EGFLAM: variants seen among roughly 807,000 people sequenced by gnomAD.
EGFLAM encodes pikachurin.
In EGFLAM, 79 loss-of-function variants were observed where a neutral mutation model predicts 113.1. The ratio of observed to expected loss-of-function variants is 0.70; its 90% CI spans 0.58 to 0.84. The LOEUF (loss-of-function observed/expected upper bound fraction) is 0.84. Among genes scored for constraint, EGFLAM ranks in the 40% least tolerant of loss-of-function variants. EGFLAM has a pLI of 0.00. For synonymous variants in EGFLAM, 504 were observed against 487.6 expected, an observed-to-expected ratio of 1.03 and a Z score of -0.44; for missense variants, 1,265 against 1,291.6, an observed-to-expected ratio of 0.98 and a Z score of 0.32.
chr5:38,393,443 C>T (rs1216888158), intron 6 of EGFLAM, among the ~76,000 whole-genome samples: 2 of 151,764 alleles, frequency 1.3e-5, no homozygotes, highest in Admixed American at 1.3e-4. Context: ...TCGTTTTACT[C>T]AGCCCATCAC....
At chr5:38,259,579 T>G (rs1372871834) in intron 1 of EGFLAM, among the ~76,000 whole-genome samples, 2 of 152,260 alleles carry the variant, frequency 1.3e-5, no homozygotes, top group African/African-American at 4.8e-5. Context: ...TGGCCTATGC[T>G]GTGAGATTAT....
Position 38,391,384 on chromosome 5 carries a change from T to TTGTG in EGFLAM, c.713-14711_713-14708dup, listed in dbSNP as rs758900897. Among the ~76,000 whole-genome samples, 823 of 98,006 alleles carry TTGTG rather than the reference T, an allele frequency of 8.4e-3. 5 individuals are homozygous for TTGTG. Among genetic ancestry groups the TTGTG allele is most frequent in the East Asian group, 0.012 (43 of 3,718 alleles). 64.3% of individuals were successfully genotyped at this position (98,006 alleles called of 152,430 possible). A position where few individuals can be genotyped will look rare whatever the true frequency, so the allele number is the denominator to read the frequency against. On this transcript the variant is annotated intron_variant, in intron 6 of 21. Coordinates refer to ENST00000322350, the MANE Select transcript of EGFLAM (RefSeq NM_152403.4). ...TGTTTTAATTTCTTTTTTCTTTTCTTTGTGTGTGTGTGTGTGTGTGTGTGT... is the reference window on the plus strand; with the variant it reads ...TGTTTTAATTTCTTTTTTCTTTTCTTTGTGTGTGTGTGTGTGTGTGTGTGTGTGT...
At chr5:38,399,277 G>A (rs1255838667) in intron 6 of EGFLAM, among the ~76,000 whole-genome samples, 5 of 118,482 alleles carry the variant, frequency 4.2e-5, no homozygotes, top group African/African-American at 6.3e-5. Flanking sequence ...TTTTGTTTTC[G>A]TTTTTTTTTT....
rs1055816725 is a variant in EGFLAM, at chr5:38,447,136, C to T, written c.2465-1165C>T. ...TTCTCCAGCAGAAATCCCCTAGCCT[C>T]ATCCCCCGTTCATGACATCACACAC... On this transcript the variant is annotated intron_variant, in intron 17 of 21. Transcript: ENST00000322350. Among the ~76,000 whole-genome samples the T allele has an allele frequency of 3.3e-5, 5 of 152,348 alleles. No homozygotes were observed. In the South Asian group the frequency reaches 1.0e-3, roughly 32 times the overall value.
Position 38,438,415 on chromosome 5 carries a change from T to C in EGFLAM, c.2424T>C (p.Cys808=). The change falls in exon 17 of 22, where the codon TGT becomes TGC. Residue 808 remains cysteine (C), a synonymous_variant. Transcript: ENST00000322350. ...GGCCCAGGAAGGAGGGCTATGACTG[T>C]GACTGCCCCTTGGGCTTTGAGGGGC... is the stretch of plus-strand genomic sequence containing the variant. The part of the protein sequence containing the change: ...SCRPRKEGYD[C]DCPLGFEGLH... 1 of 1,613,468 alleles carries C rather than the reference T, an allele frequency of 6.2e-7. No individual in the cohort carries two copies.
chr5:38,411,201 G>C (rs1266450652), intron 10 of EGFLAM, among the ~76,000 whole-genome samples: 1 of 152,144 alleles, frequency 6.6e-6, no homozygotes, highest in Non-Finnish European at 1.5e-5. Context: ...AGGCCAAGGT[G>C]GGCGGATCAC....
At position 38,350,580 on chromosome 5, in the gene EGFLAM, G is replaced by A. The variant is rs144167055; in HGVS notation, c.371G>A (p.Arg124Gln). ...IAAYSQAGKG[R>Q]LSSPRHVTTL... is the part of the protein sequence containing the mutation. ...GCTTACAGCCAGGCTGGCAAAGGGC[G>A]GCTGAGCTCTCCTCGGCATGTCACC... The change falls in exon 4 of 22, where the codon CGG becomes CAG. Residue 124 changes from arginine to glutamine, a missense_variant. Arg to Gln is a conservative substitution (Grantham distance 43). Coordinates refer to ENST00000322350, the MANE Select transcript of EGFLAM (RefSeq NM_152403.4). 1.5e-5 allele frequency: 25 copies of A among 1,613,898 alleles called. No homozygotes were observed. Among genetic ancestry groups the A allele is most frequent in the African/African-American group, 4.0e-5 (3 of 74,920 alleles).
intron 3 of EGFLAM, among the ~76,000 whole-genome samples, chr5:38,342,931 G>C (rs1739372751): frequency 6.6e-6 from 1 of 152,116 alleles, no homozygotes. Flanking sequence ...CATCTCAGTG[G>C]ATTGTCTTGC....
At chr5:38,437,340 G>A (rs1326502523) in intron 16 of EGFLAM, among the ~76,000 whole-genome samples, 1 of 152,192 alleles carries the variant, frequency 6.6e-6, no homozygotes, top group Non-Finnish European at 1.5e-5. Flanking sequence ...CAATCGGGGA[G>A]GTCCAGCTGA....
rs142212050 is a variant in EGFLAM at position 38,297,626 on chromosome 5, C to T, written c.97+38775C>T. ...TGAAATGGAAAGAAGCTTTTAAGAA[C>T]GCTAAACTTGCTTGACCCTGAGCCT... is the stretch of plus-strand genomic sequence containing the variant. On this transcript the variant is annotated intron_variant, in intron 1 of 21. Coordinates refer to ENST00000322350, the MANE Select transcript of EGFLAM (RefSeq NM_152403.4). 6.1e-3 allele frequency among the ~76,000 whole-genome samples: 928 copies of T among 152,254 alleles called. 6 individuals carry two copies. The highest frequency in any genetic ancestry group is 0.01 in the Non-Finnish European group (684 of 68,008).
At chr5:38,430,433 T>C (rs1237516509) in intron 14 of EGFLAM, among the ~76,000 whole-genome samples, 1 of 152,232 alleles carries the variant, frequency 6.6e-6, no homozygotes, top group Non-Finnish European at 1.5e-5. Context: ...ATGTTCCTAC[T>C]GTATGAAGGC....
At chr5:38,444,042 A>T (rs1042822374) in intron 17 of EGFLAM, among the ~76,000 whole-genome samples, 2 of 152,072 alleles carry the variant, frequency 1.3e-5, no homozygotes, top group Non-Finnish European at 2.9e-5. Context: ...AAGGGCTGGG[A>T]TTACAGGTGT....
rs974051520 is a variant in EGFLAM at position 38,274,595 on chromosome 5, A to T, written c.97+15744A>T. ...AAAAACTGCCAACCAAGAATACTGT[A>T]CCCAGAAAAGCTGTCCTTCAGAAAT... On this transcript the variant is annotated intron_variant, in intron 1 of 21. Transcript: ENST00000322350. Among the ~76,000 whole-genome samples the T allele has an allele frequency of 2.6e-5, 4 of 152,196 alleles. No individual in the cohort carries two copies. In the East Asian group the frequency reaches 7.7e-4, roughly 29 times the overall value.
chr5:38,451,991 C>T (rs1273398684), intron 19 of EGFLAM, among the ~76,000 whole-genome samples: 1 of 38,718 alleles, frequency 2.6e-5, no homozygotes. Context: ...GACTCCATCT[C>T]AAAAAAAAAA....
Position 38,258,650 on chromosome 5 carries a change from C to A in EGFLAM, c.-105C>A, listed in dbSNP as rs1428230674. On this transcript the variant is annotated 5_prime_UTR_variant, in exon 1 of 22. Transcript: ENST00000322350. ...CCCTCGCAGCCCCCCACCTCCTCGC[C>A]CCGGCCCGGGGATCCGTTGGGGCCG... 6 of 1,352,326 alleles carry A rather than the reference C, an allele frequency of 4.4e-6. No individual in the cohort carries two copies. The highest frequency in any genetic ancestry group is 6.2e-6 in the Non-Finnish European group (6 of 968,376). 83.8% of individuals were successfully genotyped at this position (1,352,326 alleles called of 1,614,324 possible). A position where few individuals can be genotyped will look rare whatever the true frequency, so the allele number is the denominator to read the frequency against.
At chr5:38,310,398 G>A (rs532409400) in intron 1 of EGFLAM, among the ~76,000 whole-genome samples, 22 of 152,282 alleles carry the variant, frequency 1.4e-4, no homozygotes, top group African/African-American at 4.3e-4. Flanking sequence ...ACTACATGAG[G>A]TGACTATGAA....
intron 11 of EGFLAM, among the ~76,000 whole-genome samples, chr5:38,414,980 C>T (rs114247044): frequency 6.6e-6 from 1 of 152,030 alleles, no homozygotes; most frequent in Admixed American, 6.6e-5. Context: ...TAGGGATGTA[C>T]CAGGAATCCA....
At chr5:38,458,265 C>A (rs767023522) in intron 19 of EGFLAM, 46 bp from the exon 20 acceptor site, 1 of 1,569,902 alleles carries the variant, frequency 6.4e-7, no homozygotes. Context: ...GCTTATGCCT[C>A]AGTGTTTTAT....
intron 6 of EGFLAM, among the ~76,000 whole-genome samples, chr5:38,379,446 A>C (rs1053650800): frequency 1.3e-5 from 2 of 151,928 alleles, no homozygotes; most frequent in African/African-American, 4.8e-5. Context: ...AGCCCATGAC[A>C]GTCTGTCTCG....
Sources: gnomAD v4.1 joint callset for allele counts (sites outside exome capture counted in the v4.1 genomes callset) on GRCh38, gnomAD v4.1.1 for gene constraint, MANE v1.5 for transcripts, NCBI Gene and HGNC (gene_info 2026-07-23, HGNC 2026-07-21) for gene names.